Variants in QSOX1 observed in about 807,000 individuals in gnomAD.
QSOX1 encodes the protein quiescin sulfhydryl oxidase 1.
Under a neutral mutation model 76.1 loss-of-function variants are expected in QSOX1, and 40 were observed. The ratio of observed to expected loss-of-function variants is 0.53; its 90% CI spans 0.41 to 0.68. The LOEUF is 0.68. Among genes scored for constraint, QSOX1 ranks in the 30% least tolerant of loss-of-function variants. The pLI is 0.00. For synonymous variants in QSOX1, 392 were observed against 413.1 expected (o/e 0.95, Z 0.62); for missense variants, 931 against 974.3 (o/e 0.96, Z 0.59).
chr1:180,168,211 G>A (rs1274056955), intron 2 of QSOX1, among the ~76,000 whole-genome samples: 1 of 152,250 alleles, frequency 6.6e-6, no homozygotes, highest in Non-Finnish European at 1.5e-5. Context: ...CGCAGCGCAC[G>A]CAGCCTGGAT....
At chr1:180,192,914 C>G (rs190653410) in intron 10 of QSOX1, among the ~76,000 whole-genome samples, 1 of 151,998 alleles carries the variant, frequency 6.6e-6, no homozygotes, top group Non-Finnish European at 1.5e-5. Context: ...GGAGGCTGAA[C>G]GGGGGAGGCC....
chr1:180,161,871 A>G (rs1049994370), intron 1 of QSOX1, among the ~76,000 whole-genome samples: 1 of 152,214 alleles, frequency 6.6e-6, no homozygotes, highest in Non-Finnish European at 1.5e-5. Flanking sequence ...TCCCAGTCCA[A>G]TCGTATTATC....
chr1:180,197,652 A>G lies in QSOX1; in HGVS notation c.*615A>G. On this transcript the variant is annotated 3_prime_UTR_variant, in exon 12 of 12. Transcript: ENST00000367602. Reference sequence around the variant, plus strand: ...TCGTGCTGGTCTCCCAGGTGAGGCAAGCCATGGTTGCTGGGCTGTAGGGTG... The same window carrying G: ...TCGTGCTGGTCTCCCAGGTGAGGCAGGCCATGGTTGCTGGGCTGTAGGGTG... 1 of 450,534 alleles carries G rather than the reference A, an allele frequency of 2.2e-6. No individual in the cohort carries two copies. The highest frequency in any genetic ancestry group is 4.1e-6 in the Non-Finnish European group (1 of 245,880). 27.9% of individuals were successfully genotyped at this position (450,534 alleles called of 1,614,324 possible).
rs149582716 is a variant in QSOX1, at chr1:180,193,623, G to C, written c.1289-590G>C. Among the ~76,000 whole-genome samples, 971 of 149,096 alleles carry C rather than the reference G, an allele frequency of 6.5e-3. 4 individuals carry two copies. The highest frequency in any genetic ancestry group is 0.028 in the Middle Eastern group (8 of 290). On this transcript the variant is annotated intron_variant, in intron 10 of 11. Coordinates refer to ENST00000367602, the MANE Select transcript of QSOX1 (RefSeq NM_002826.5). Reference sequence around the variant, plus strand: ...GAGTGGTGTCCTCAGCGGGGAGCCTGGTTTCAGTTAGAGCAAGAAAGTGGG... The same window carrying C: ...GAGTGGTGTCCTCAGCGGGGAGCCTCGTTTCAGTTAGAGCAAGAAAGTGGG...
chr1:180,195,985 A>G (rs1663473262), intron 11 of QSOX1, among the ~76,000 whole-genome samples: 2 of 152,162 alleles, frequency 1.3e-5, no homozygotes, highest in South Asian at 4.1e-4. Flanking sequence ...ACACCGGGAA[A>G]TGACTGAGAT....
chr1:180,161,253 A>AT (rs199605674), intron 1 of QSOX1, among the ~76,000 whole-genome samples: 3,902 of 152,292 alleles, frequency 0.026, 155 homozygotes, highest in African/African-American at 0.088. Context: ...AATTATTTAC[A>AT]TAAGTGTGGC....
At chr1:180,167,595 T>C (rs1223934518) in intron 2 of QSOX1, among the ~76,000 whole-genome samples, 1 of 152,170 alleles carries the variant, frequency 6.6e-6, no homozygotes, top group Non-Finnish European at 1.5e-5. Context: ...GTGACCTTTC[T>C]GTTCCTCGAG....
At chr1:180,165,448 C>T (rs1391618651) in intron 1 of QSOX1, among the ~76,000 whole-genome samples, 4 of 152,250 alleles carry the variant, frequency 2.6e-5, no homozygotes, top group Non-Finnish European at 5.9e-5. Flanking sequence ...TCCCAAAAAC[C>T]CTCCTCTCCA....
intron 2 of QSOX1, among the ~76,000 whole-genome samples, chr1:180,169,767 G>C (rs774713154): frequency 1.1e-4 from 16 of 152,256 alleles, no homozygotes; most frequent in Middle Eastern, 3.2e-3. Context: ...GCCCAGCACC[G>C]CACTCACCAC....
chr1:180,163,787 T>A (rs1662547541), intron 1 of QSOX1, among the ~76,000 whole-genome samples: 1 of 152,132 alleles, frequency 6.6e-6, no homozygotes. Context: ...CCCCAGAGAA[T>A]GTTGAATAGA....
chr1:180,185,033 C>G (rs1663138552), intron 7 of QSOX1, among the ~76,000 whole-genome samples: 1 of 152,166 alleles, frequency 6.6e-6, no homozygotes, highest in South Asian at 2.1e-4. Context: ...GGCACCTTCC[C>G]TGTGTTACCT....
At chr1:180,176,091 T>G in intron 4 of QSOX1, 58 bp downstream of exon 4, 1 of 1,399,454 alleles carries the variant, frequency 7.1e-7, no homozygotes, top group African/African-American at 1.4e-5. Context: ...GGCCTGGGAG[T>G]GAGAGGGTGG....
intron 4 of QSOX1, among the ~76,000 whole-genome samples, chr1:180,177,593 A>G (rs1410929274): frequency 6.6e-6 from 1 of 152,162 alleles, no homozygotes; most frequent in Non-Finnish European, 1.5e-5. Context: ...AAGGAGGTAG[A>G]GATGTGTGAT....
intron 5 of QSOX1, among the ~76,000 whole-genome samples, chr1:180,179,472 G>A (rs150804373): frequency 2.0e-5 from 3 of 152,356 alleles, no homozygotes; most frequent in African/African-American, 4.8e-5. Flanking sequence ...ACGTTTCTCC[G>A]TAGTATTGTT....
intron 1 of QSOX1, among the ~76,000 whole-genome samples, chr1:180,164,783 A>T (rs1264376718): frequency 6.6e-6 from 1 of 152,034 alleles, no homozygotes; most frequent in Non-Finnish European, 1.5e-5. Flanking sequence ...AAAAGTAAGT[A>T]CCTGAGGCTA....
At chr1:180,168,904 T>C (rs764187062) in intron 2 of QSOX1, among the ~76,000 whole-genome samples, 1 of 152,196 alleles carries the variant, frequency 6.6e-6, no homozygotes, top group Non-Finnish European at 1.5e-5. Context: ...GTCCTTGCAC[T>C]CTGTCCATGA....
rs1315280528 is a variant in QSOX1 at position 180,198,631 on chromosome 1, G to A, written c.*1594G>A. 2.6e-5 allele frequency: 9 copies of A among 350,744 alleles called. No homozygotes were observed. The East Asian group carries it at 6.0e-4, about 23-fold the overall frequency. The allele number at this position is 350,744 out of a possible 1,614,324, so 21.7% of individuals were successfully genotyped here. A position where few individuals can be genotyped will look rare whatever the true frequency, so the allele number is the denominator to read the frequency against. On this transcript the variant is annotated 3_prime_UTR_variant, in exon 12 of 12. Coordinates refer to ENST00000367602, the MANE Select transcript of QSOX1 (RefSeq NM_002826.5). ...GGGAGGGATGGCAGTCTCCCTGCAT[G>A]TTTCCCTCGACCTCTTTAGCTGCAG...
Position 180,197,437 on chromosome 1 carries a change from G to A in QSOX1, c.*400G>A. 3 of 1,574,124 alleles carry A rather than the reference G, an allele frequency of 1.9e-6. No individual in the cohort carries two copies. Among genetic ancestry groups the A allele is most frequent in the South Asian group, 2.2e-5 (2 of 89,784 alleles). On this transcript the variant is annotated 3_prime_UTR_variant, in exon 12 of 12. Transcript: ENST00000367602. ...AGCCAGAGGAGGGTCCCCCAGCTGG[G>A]TGGGCTGGAATGGAACTCCTCACTA... is the stretch of plus-strand genomic sequence containing the variant.
At chr1:180,175,883 G>A (rs1393264320) in intron 3 of QSOX1, 48 bp from the exon 4 acceptor site, 4 of 1,447,432 alleles carry the variant, frequency 2.8e-6, no homozygotes, top group African/African-American at 1.4e-5. Context: ...TGCTGTGGAA[G>A]CAGCTCTGCT....
Sources: allele counts gnomAD v4.1 joint callset (sites outside exome capture counted in the v4.1 genomes callset), GRCh38; gene constraint gnomAD v4.1.1; transcripts MANE v1.5; gene names NCBI Gene and HGNC (gene_info 2026-07-23, HGNC 2026-07-21).